The following GREB1 variants were observed in gnomAD, a reference collection of about 807,000 sequenced individuals.
GREB1 encodes the protein growth regulating estrogen receptor binding 1.
A neutral mutation model predicts 200.7 loss-of-function variants in GREB1; 106 were observed. The ratio of observed to expected loss-of-function variants is 0.53; its 90% CI spans 0.45 to 0.62. The LOEUF (loss-of-function observed/expected upper bound fraction) is 0.62, where lower values mean the gene tolerates loss of function less well. GREB1 is among the 20% of genes least tolerant of loss of function. GREB1 has a pLI of 0.00. For synonymous variants in GREB1, 1,132 were observed against 1,092.4 expected (o/e 1.04, Z -0.72); for missense variants, 2,243 against 2,556.8 (o/e 0.88, Z 2.65).
intron 1 of GREB1, among the ~76,000 whole-genome samples, chr2:11,538,647 T>TCCC (rs1674425367): frequency 9.7e-4 from 24 of 24,628 alleles, no homozygotes; most frequent in South Asian, 6.9e-3. Context: ...CTTTCTTTCT[T>TCCC]TCTTTCTTTC....
chr2:11,566,430 C>T (rs775604029), intron 3 of GREB1, 50 bp from the exon 4 acceptor site: 22 of 1,534,422 alleles, frequency 1.4e-5, no homozygotes, highest in Admixed American at 1.2e-4. Flanking sequence ...CCTGTGACCC[C>T]GCTTCTGGGA....
chr2:11,587,740 C>G, intron 9 of GREB1: 2 of 1,189,594 alleles, frequency 1.7e-6, no homozygotes, highest in Non-Finnish European at 2.1e-6. Context: ...CACACACACA[C>G]ACGCCACCTT....
chr2:11,517,812 C>T (rs942391217), intron 1 of GREB1, among the ~76,000 whole-genome samples: 2 of 152,070 alleles, frequency 1.3e-5, no homozygotes, highest in Non-Finnish European at 2.9e-5. Flanking sequence ...CCGCCATGCC[C>T]GGCTAATTTT....
chr2:11,541,107 A>G (rs1674702270), intron 1 of GREB1, among the ~76,000 whole-genome samples: 1 of 152,152 alleles, frequency 6.6e-6, no homozygotes, highest in Non-Finnish European at 1.5e-5. Flanking sequence ...GGGTGGGGTC[A>G]TGTCCCTGTG....
chr2:11,616,040 ACT>A lies in GREB1; in HGVS notation c.3323-588_3323-587del, dbSNP rs1683373158. Among the ~76,000 whole-genome samples the A allele has an allele frequency of 3.3e-5, 5 of 152,156 alleles. No individual in the cohort carries two copies. In the East Asian group the frequency reaches 7.7e-4, roughly 24 times the overall value. ...GCCATCTTTTCGAAGCACGGCAGAGACTCTGATTTAATTCTTTCATTTGTGAG... is the reference window on the plus strand; with the variant it reads ...GCCATCTTTTCGAAGCACGGCAGAGACTGATTTAATTCTTTCATTTGTGAG... On this transcript the variant is annotated intron_variant, in intron 20 of 32. Transcript: ENST00000381486.
chr2:11,635,208 G>A lies in GREB1; in HGVS notation c.5211-62G>A, dbSNP rs1685211756. On this transcript the variant is annotated intron_variant, in intron 29 of 32. Transcript: ENST00000381486. ...GGGGACCCACACTCTAGGTGCTGGG[G>A]GCAGTGACGGAGGGTGTGAGCTGTG... 6.2e-6 allele frequency: 10 copies of A among 1,601,846 alleles called. No individual in the cohort carries two copies. In the Admixed American group the frequency reaches 6.7e-5, roughly 11 times the overall value.
chr2:11,630,261 T>C, intron 26 of GREB1, 152 bp downstream of exon 26: 1 of 655,276 alleles, frequency 1.5e-6, no homozygotes. Flanking sequence ...GGCTCTGGAG[T>C]CACTCCAATT....
At chr2:11,573,438 C>T (rs745876687) in intron 4 of GREB1, among the ~76,000 whole-genome samples, 2 of 152,160 alleles carry the variant, frequency 1.3e-5, no homozygotes, top group Non-Finnish European at 2.9e-5. Flanking sequence ...GCTTTCTAAG[C>T]CTATCATGTA....
Position 11,634,351 on chromosome 2 carries a change from T to C in GREB1, c.5210+2T>C, listed in dbSNP as rs777942070. ...GAACGTGCAGTACAACCAGAACCGG[T>C]GAGCTCCTGCACCTGGGGCAGAGGC... On this transcript the variant is annotated splice_donor_variant, in intron 29 of 32. Transcript: ENST00000381486. LOFTEE classifies it high-confidence loss of function. 1 of 1,611,042 alleles carries C rather than the reference T, an allele frequency of 6.2e-7. No individual in the cohort carries two copies. Among genetic ancestry groups the C allele is most frequent in the Non-Finnish European group, 8.5e-7 (1 of 1,177,914 alleles).
intron 1 of GREB1, among the ~76,000 whole-genome samples, chr2:11,535,603 T>C (rs142703096): frequency 7.9e-5 from 12 of 152,210 alleles, no homozygotes; most frequent in African/African-American, 2.9e-4. Flanking sequence ...AAATAAATAA[T>C]AGAGAAATAA....
rs1383805881 is a variant in GREB1, at chr2:11,598,750, GC to G, written c.2224del (p.Leu742Ter). Reference sequence around the variant, plus strand: ...AGAGGGTGGAACAGTATGTTCTGAAGCTAGACACGGAGGCACAGACAAAATT... The same window carrying G: ...AGAGGGTGGAACAGTATGTTCTGAAGTAGACACGGAGGCACAGACAAAATT... ...KQRVEQYVLK[L>X]DTEAQTKFKA... On this transcript the variant is annotated frameshift_variant, in exon 15 of 33. Coordinates refer to ENST00000381486, the MANE Select transcript of GREB1 (RefSeq NM_014668.4). LOFTEE classifies it high-confidence loss of function. 3 of 1,614,214 alleles carry G rather than the reference GC, an allele frequency of 1.9e-6. No homozygotes were observed.
chr2:11,485,276 T>TATATATATATA (rs1491126303), intron 1 of GREB1, among the ~76,000 whole-genome samples: 10 of 4,620 alleles, frequency 2.2e-3, no homozygotes, highest in African/African-American at 2.3e-3. Flanking sequence ...TATATATGTA[T>TATATATATATA]TTTTTTTTTT....
chr2:11,613,183 G>A (rs1046529060), intron 19 of GREB1, among the ~76,000 whole-genome samples: 3 of 152,118 alleles, frequency 2.0e-5, no homozygotes, highest in Admixed American at 6.5e-5. Flanking sequence ...ATATCCACTC[G>A]ATGTCCGCTG....
intron 1 of GREB1, among the ~76,000 whole-genome samples, chr2:11,502,459 GGATCTGCCT>G (rs1229317233): frequency 6.7e-6 from 1 of 149,872 alleles, no homozygotes; most frequent in Non-Finnish European, 1.5e-5. Context: ...TGGGCTTAAG[GGATCTGCCT>G]GCTTTGGCCT....
intron 1 of GREB1, among the ~76,000 whole-genome samples, chr2:11,487,691 TTCA>T (rs1014989887): frequency 4.6e-5 from 7 of 152,258 alleles, no homozygotes; most frequent in Non-Finnish European, 8.8e-5. Flanking sequence ...AGCCTCTGTG[TTCA>T]TCATTCAGCT....
At chr2:11,563,744 A>G (rs532741682) in intron 3 of GREB1, among the ~76,000 whole-genome samples, 9 of 152,360 alleles carry the variant, frequency 5.9e-5, no homozygotes, top group Admixed American at 5.9e-4. Flanking sequence ...ATGTTCAGGC[A>G]TTGTGCTCAG....
Position 11,493,695 on chromosome 2 carries a change from T to G in GREB1, c.-159+11314T>G, listed in dbSNP as rs977654070. Among the ~76,000 whole-genome samples, 21 of 152,142 alleles carry G rather than the reference T, an allele frequency of 1.4e-4. No homozygotes were observed. The highest frequency in any genetic ancestry group is 5.1e-4 in the African/African-American group (21 of 41,436). ...ACCTTATGTTTTTGAAGGTTGCATT[T>G]TTTTCCCCAAAATTTTAGAGAGCAG... On this transcript the variant is annotated intron_variant, in intron 1 of 2. Coordinates refer to the GREB1 transcript ENST00000628795. This position sits in a 1 kb window ranked among gnomAD's most constrained non-coding sequence, Gnocchi z 4.6.
In GREB1 at chr2:11,622,269, CAG is replaced by C. The variant is rs140294852; in HGVS notation, c.4147+1263_4147+1264del. Among the ~76,000 whole-genome samples the C allele has an allele frequency of 4.4e-3, 667 of 152,246 alleles. 4 individuals are homozygous for C. Among genetic ancestry groups the C allele is most frequent in the African/African-American group, 0.015 (643 of 41,532 alleles). On this transcript the variant is annotated intron_variant, in intron 23 of 32. Transcript: ENST00000381486. ...CTAATTTTTGTATTTTTAGTATAGACAGGGTTTCACCATGTTGGCCAGGCTGG... is the reference window on the plus strand; with the variant it reads ...CTAATTTTTGTATTTTTAGTATAGACGGTTTCACCATGTTGGCCAGGCTGG...
At chr2:11,486,223 TC>T (rs1305072794) in intron 1 of GREB1, among the ~76,000 whole-genome samples, 1 of 152,166 alleles carries the variant, frequency 6.6e-6, no homozygotes, top group Non-Finnish European at 1.5e-5. Context: ...CAGTTAACCC[TC>T]CCAGCTCTTA....
Sources: gnomAD v4.1 joint callset for allele counts (sites outside exome capture counted in the v4.1 genomes callset) on GRCh38, gnomAD v4.1.1 for gene constraint, Gnocchi (gnomAD v3.1) non-coding constraint, MANE v1.5 for transcripts, NCBI Gene and HGNC (gene_info 2026-07-23, HGNC 2026-07-21) for gene names.